PRDM16: variants seen among roughly 807,000 people sequenced by gnomAD.
PRDM16 encodes the protein histone-lysine N-methyltransferase PRDM16.
Under a neutral mutation model 110.6 loss-of-function variants are expected in PRDM16, and 23 were observed. The ratio of observed to expected loss-of-function variants is 0.21; its 90% confidence interval spans 0.15 to 0.29. The LOEUF (loss-of-function observed/expected upper bound fraction) is 0.29, where lower values mean the gene tolerates loss of function less well. Among genes scored for constraint, PRDM16 ranks in the 10% least tolerant of loss-of-function variants. The pLI is 1.00. For synonymous variants in PRDM16, 799 were observed against 781.8 expected, an observed-to-expected ratio of 1.02 and a Z score of -0.37; for missense variants, 1,615 against 1,794.3, an observed-to-expected ratio of 0.90 and a Z score of 1.81.
chr1:3,250,258 G>A (rs939627733), intron 3 of PRDM16, among the ~76,000 whole-genome samples: 3 of 152,080 alleles, frequency 2.0e-5, no homozygotes, highest in Non-Finnish European at 4.4e-5. Context: ...AGCTCCCGTG[G>A]CCTCCAAGGT....
In PRDM16 at chr1:3,437,549, G is replaced by C; in HGVS notation, c.*3738G>C. The C allele has an allele frequency of 4.4e-6, 1 of 228,712 alleles. No homozygotes were observed. Among genetic ancestry groups the C allele is most frequent in the Non-Finnish European group, 8.7e-6 (1 of 115,282 alleles). The allele number at this position is 228,712 out of a possible 1,614,324, so 14.2% of individuals were successfully genotyped here. ...AGGGCAAGGCTCTCCTCCCAGCCAGGGACGCCAGGACATAGCTGCTCCTGG... is the reference window on the plus strand; with the variant it reads ...AGGGCAAGGCTCTCCTCCCAGCCAGCGACGCCAGGACATAGCTGCTCCTGG... On this transcript the variant is annotated 3_prime_UTR_variant, in exon 17 of 17. Transcript: ENST00000270722.
At position 3,243,582 on chromosome 1, in the gene PRDM16, T is replaced by C. The variant is rs1479034631; in HGVS notation, c.388-505T>C. On this transcript the variant is annotated intron_variant, in intron 2 of 16. Transcript: ENST00000270722. This position sits in a 1 kb window ranked among gnomAD's most constrained non-coding sequence, Gnocchi z 5.5. ...CTGTAAGCCCCCGGAGGGCAGGGAC[T>C]GCACCTCGCTGTCTCTCACCTGTCC... Among the ~76,000 whole-genome samples, 1 of 152,230 alleles carries C rather than the reference T, an allele frequency of 6.6e-6. No individual in the cohort carries two copies. Among genetic ancestry groups the C allele is most frequent in the Non-Finnish European group, 1.5e-5 (1 of 68,040 alleles).
chr1:3,364,175 AC>A (rs1202134389), intron 3 of PRDM16, among the ~76,000 whole-genome samples: 1 of 152,006 alleles, frequency 6.6e-6, no homozygotes, highest in Non-Finnish European at 1.5e-5. Flanking sequence ...TAGGGGTCAG[AC>A]CCACCCAAAT....
At chr1:3,363,962 GC>G (rs1341055801) in intron 3 of PRDM16, among the ~76,000 whole-genome samples, 2 of 150,716 alleles carry the variant, frequency 1.3e-5, no homozygotes, top group African/African-American at 4.9e-5. Context: ...TAAAGGCAGC[GC>G]CCCCCGCCCC....
At chr1:3,392,555 G>A (rs918281248) in intron 4 of PRDM16, among the ~76,000 whole-genome samples, 1 of 152,144 alleles carries the variant, frequency 6.6e-6, no homozygotes, top group African/African-American at 2.4e-5. Flanking sequence ...ATGATTAAGC[G>A]GGAATGAGAA....
chr1:3,114,562 A>G (rs910612799), intron 1 of PRDM16, among the ~76,000 whole-genome samples: 1 of 151,344 alleles, frequency 6.6e-6, no homozygotes, highest in African/African-American at 2.4e-5. Flanking sequence ...ACGTGCACAA[A>G]CAAGCACACA....
In PRDM16 at chr1:3,305,721, C is replaced by T. The variant is rs569558265; in HGVS notation, c.438+61584C>T. 4.1e-4 allele frequency among the ~76,000 whole-genome samples: 62 copies of T among 152,362 alleles called. No homozygotes were observed. In the South Asian group the frequency reaches 0.012, roughly 30 times the overall value. Reference sequence around the variant, plus strand: ...CAGGCAGGACTGCCAGGCCCAGCTCCGCGACTTTTGCAAGTTTGGGATCCA... The same window carrying T: ...CAGGCAGGACTGCCAGGCCCAGCTCTGCGACTTTTGCAAGTTTGGGATCCA... On this transcript the variant is annotated intron_variant, in intron 3 of 16. Coordinates refer to ENST00000270722, the MANE Select transcript of PRDM16 (RefSeq NM_022114.4).
At chr1:3,211,856 T>C (rs4648370) in intron 2 of PRDM16, among the ~76,000 whole-genome samples, 46,584 of 152,056 alleles carry the variant, frequency 0.31, 10,077 homozygotes, top group African/African-American at 0.62. Flanking sequence ...CCTGGCGGCC[T>C]GGGCCCGGCG....
intron 2 of PRDM16, among the ~76,000 whole-genome samples, chr1:3,232,135 G>T (rs1290294994): frequency 6.6e-6 from 1 of 152,206 alleles, no homozygotes; most frequent in Non-Finnish European, 1.5e-5. Context: ...CAACAGATTG[G>T]AAACATTCCT....
rs1246298128 is a variant in PRDM16 at position 3,245,013 on chromosome 1, A to G, written c.438+876A>G. ...TGGCATCTTTGCTTTAAAGCAAGAT[A>G]AAATTTAGAGAGAGTCACATTTACA... On this transcript the variant is annotated intron_variant, in intron 3 of 16. Transcript: ENST00000270722. This position sits in a 1 kb window ranked among gnomAD's most constrained non-coding sequence, Gnocchi z 4.7. Among the ~76,000 whole-genome samples, 3 of 152,218 alleles carry G rather than the reference A, an allele frequency of 2.0e-5. No individual in the cohort carries two copies. Among genetic ancestry groups the G allele is most frequent in the Non-Finnish European group, 4.4e-5 (3 of 68,052 alleles).
In PRDM16 at chr1:3,404,808, C is replaced by T. The variant is rs758648409; in HGVS notation, c.954C>T (p.Phe318=). The T allele has an allele frequency of 1.2e-6, 2 of 1,613,678 alleles. No homozygotes were observed. Among genetic ancestry groups the T allele is most frequent in the Non-Finnish European group, 1.7e-6 (2 of 1,179,982 alleles). The part of the protein sequence containing the change: ...EYKCDQCPKA[F]NWKSNLIRHQ... Reference sequence around the variant, plus strand: ...AATGCGACCAGTGTCCCAAGGCCTTCAACTGGAAGTCCAACCTCATCCGCC... The same window carrying T: ...AATGCGACCAGTGTCCCAAGGCCTTTAACTGGAAGTCCAACCTCATCCGCC... Residue 318 remains phenylalanine (F), a synonymous_variant, in exon 7 of 17, where the codon TTC becomes TTT. Coordinates refer to ENST00000270722, the MANE Select transcript of PRDM16 (RefSeq NM_022114.4).
intron 1 of PRDM16, among the ~76,000 whole-genome samples, chr1:3,099,070 G>A (rs373830284): frequency 5.9e-5 from 9 of 152,198 alleles, no homozygotes; most frequent in Non-Finnish European, 5.9e-5. Context: ...GGTGGGGGCC[G>A]TGTGGGAGCG....
intron 3 of PRDM16, among the ~76,000 whole-genome samples, chr1:3,329,473 G>C (rs1641998056): frequency 6.6e-6 from 1 of 152,178 alleles, no homozygotes; most frequent in African/African-American, 2.4e-5. Flanking sequence ...CTCCCAGGCT[G>C]TAGTGTCGGG....
intron 3 of PRDM16, among the ~76,000 whole-genome samples, chr1:3,273,151 G>A (rs1640497242): frequency 6.6e-6 from 1 of 152,212 alleles, no homozygotes; most frequent in South Asian, 2.1e-4. Context: ...GGGAGCAGGA[G>A]CAGGGATGAG....
intron 2 of PRDM16, among the ~76,000 whole-genome samples, chr1:3,223,969 T>C (rs1215756660): frequency 3.3e-5 from 5 of 152,204 alleles, no homozygotes; most frequent in Non-Finnish European, 7.3e-5. Flanking sequence ...TAAACGGGTA[T>C]CACTTTTGGA....
intron 1 of PRDM16, among the ~76,000 whole-genome samples, chr1:3,184,028 G>A (rs1168617316): frequency 6.6e-6 from 1 of 152,142 alleles, no homozygotes; most frequent in Non-Finnish European, 1.5e-5. Flanking sequence ...TGCTGCACAC[G>A]GTCAGCGGGG....
At chr1:3,383,991 G>A (rs1643153431) in intron 3 of PRDM16, among the ~76,000 whole-genome samples, 1 of 148,382 alleles carries the variant, frequency 6.7e-6, no homozygotes, top group Non-Finnish European at 1.5e-5. Context: ...GGACACACCT[G>A]TCCAGGAACA....
In PRDM16 at chr1:3,246,879, G is replaced by C. The variant is rs2100918848; in HGVS notation, c.438+2742G>C. On this transcript the variant is annotated intron_variant, in intron 3 of 16. Transcript: ENST00000270722. This position sits in a 1 kb window ranked among gnomAD's most constrained non-coding sequence, Gnocchi z 5.2. ...TCAAAGGCAAAGTCTTCAGACTCGG[G>C]GGCCAGGAAGACCAGGACAGACAGC... Among the ~76,000 whole-genome samples the C allele has an allele frequency of 6.6e-6, 1 of 152,272 alleles. No homozygotes were observed. Among genetic ancestry groups the C allele is most frequent in the Admixed American group, 6.5e-5 (1 of 15,300 alleles).
At chr1:3,373,699 T>A (rs1197943580) in intron 3 of PRDM16, among the ~76,000 whole-genome samples, 1 of 152,100 alleles carries the variant, frequency 6.6e-6, no homozygotes, top group Admixed American at 6.5e-5. Flanking sequence ...GGCTGGGGCA[T>A]CAGTTCTAGC....
Sources: allele counts gnomAD v4.1 joint callset (sites outside exome capture counted in the v4.1 genomes callset), GRCh38; gene constraint gnomAD v4.1.1; non-coding constraint Gnocchi (gnomAD v3.1); transcripts MANE v1.5; gene names NCBI Gene and HGNC (gene_info 2026-07-23, HGNC 2026-07-21).